The following SLC51A variants were observed in gnomAD, a reference collection of about 807,000 sequenced individuals.
The protein encoded by SLC51A is solute carrier family 51 member A.
Under a neutral mutation model 34.8 loss-of-function variants are expected in SLC51A, and 22 were observed. The ratio of observed to expected loss-of-function variants is 0.63; its 90% CI spans 0.45 to 0.90. The LOEUF (loss-of-function observed/expected upper bound fraction) is 0.90, where lower values mean the gene tolerates loss of function less well. Ranked by LOEUF, SLC51A falls within the 40% of genes least tolerant of loss-of-function variation. The pLI is 0.00. For synonymous variants in SLC51A, 181 were observed against 176.3 expected, an observed-to-expected ratio of 1.03 and a Z score of -0.21; for missense variants, 371 against 414.8, an observed-to-expected ratio of 0.89 and a Z score of 0.92.
intron 4 of SLC51A, 37 bp downstream of exon 4, chr3:196,227,774 T>A: frequency 3.2e-6 from 5 of 1,574,290 alleles, no homozygotes; most frequent in Non-Finnish European, 3.5e-6. Flanking sequence ...CAAGGGCCCC[T>A]CTGCTCCCGC....
intron 7 of SLC51A, 74 bp from the exon 8 acceptor site, chr3:196,232,345 G>A (rs749993079): frequency 1.2e-5 from 14 of 1,187,646 alleles, no homozygotes; most frequent in South Asian, 2.5e-5. Context: ...GGCAAGGCCC[G>A]GCAGTGGGCT....
At chr3:196,231,274 C>T (rs1724023437) in intron 7 of SLC51A, among the ~76,000 whole-genome samples, 1 of 152,214 alleles carries the variant, frequency 6.6e-6, no homozygotes, top group East Asian at 1.9e-4. Context: ...CCTTACCCTG[C>T]CCTTCATCTT....
At chr3:196,223,836 T>C (rs1560152796) in intron 2 of SLC51A, 1 of 424,002 alleles carries the variant, frequency 2.4e-6, no homozygotes, top group Admixed American at 2.7e-5. Context: ...TATCTTAGTG[T>C]AATTTCCTTT....
intron 6 of SLC51A, 149 bp from the exon 7 acceptor site, chr3:196,229,766 A>G: frequency 1.2e-6 from 1 of 810,054 alleles, no homozygotes; most frequent in East Asian, 3.1e-5. Context: ...AGGCGAGGGG[A>G]TCACTGGAGC....
rs1173523968 is a variant in SLC51A at position 196,216,897 on chromosome 3, C to T, written c.38+147C>T. 1.2e-5 allele frequency: 11 copies of T among 920,204 alleles called. No individual in the cohort carries two copies. Among genetic ancestry groups the T allele is most frequent in the African/African-American group, 1.8e-5 (1 of 56,986 alleles). 57.0% of individuals were successfully genotyped at this position (920,204 alleles called of 1,614,324 possible). On this transcript the variant is annotated intron_variant, in intron 1 of 8. Coordinates refer to ENST00000296327, the MANE Select transcript of SLC51A (RefSeq NM_152672.6). This position sits in a 1 kb window ranked among gnomAD's most constrained non-coding sequence, Gnocchi z 4.5. Reference sequence around the variant, plus strand: ...AATGCTCTAGCTGTTCCTAGGTCCTCAGGGACAACGTGGGTTTGGGCCAGG... The same window carrying T: ...AATGCTCTAGCTGTTCCTAGGTCCTTAGGGACAACGTGGGTTTGGGCCAGG...
rs984852589 is a variant in SLC51A, at chr3:196,220,363, G to A, written c.133+2427G>A. On this transcript the variant is annotated intron_variant, in intron 2 of 8. Transcript: ENST00000296327. ...TGTAATCCCAGCACTTTGGGAGGCC[G>A]AGGCAGGCGGATCATCTGCGGTCAA... Among the ~76,000 whole-genome samples the A allele has an allele frequency of 7.2e-5, 11 of 152,294 alleles. No homozygotes were observed. The East Asian group carries it at 9.7e-4, about 13-fold the overall frequency.
At chr3:196,226,874 G>T (rs1723906251) in intron 2 of SLC51A, 91 bp from the exon 3 acceptor site, 3 of 1,346,056 alleles carry the variant, frequency 2.2e-6, no homozygotes, top group Non-Finnish European at 3.0e-6. Flanking sequence ...TGGGAGCCTA[G>T]ATCCAGTAAG....
In SLC51A at chr3:196,227,078, A is replaced by C. The variant is rs1379115397; in HGVS notation, c.247A>C (p.Ile83Leu). The change falls in exon 3 of 9, where the codon ATC (isoleucine) becomes CTC (leucine). Residue 83 changes from isoleucine (I) to leucine (L), a missense_variant. Coordinates refer to ENST00000296327, the MANE Select transcript of SLC51A (RefSeq NM_152672.6). ...CCTGTACAAGAACACCCTTTGCCCC[A>C]TCAAGAGGCGGACTCTGCTCTGGAA... The part of the protein sequence containing the change: ...VYLYKNTLCP[I>L]KRRTLLWKSS... The C allele has an allele frequency of 6.2e-7, 1 of 1,614,056 alleles. No individual in the cohort carries two copies. Among genetic ancestry groups the C allele is most frequent in the Non-Finnish European group, 8.5e-7 (1 of 1,180,006 alleles).
At chr3:196,221,740 G>A (rs1447878600) in intron 2 of SLC51A, among the ~76,000 whole-genome samples, 1 of 150,660 alleles carries the variant, frequency 6.6e-6, no homozygotes, top group East Asian at 2.0e-4. Flanking sequence ...TTAAGAGACA[G>A]AGTCTCGCTC....
intron 2 of SLC51A, among the ~76,000 whole-genome samples, chr3:196,220,819 AGTGC>A (rs1410474072): frequency 6.6e-6 from 1 of 151,968 alleles, no homozygotes; most frequent in African/African-American, 2.4e-5. Flanking sequence ...AGCAGGAAGA[AGTGC>A]CTCTGGGAGG....
rs1723948495 is a variant in SLC51A at position 196,228,365 on chromosome 3, A to G, written c.521+92A>G. 1.4e-6 allele frequency: 2 copies of G among 1,461,862 alleles called. No individual in the cohort carries two copies. The highest frequency in any genetic ancestry group is 9.1e-7 in the Non-Finnish European group (1 of 1,103,646). 90.6% of individuals were successfully genotyped at this position (1,461,862 alleles called of 1,614,324 possible). ...AAGGCTCTGGGAATTAGGCGTGAAT[A>G]GGCCAAAGCCAGTGACGGAAGGGTG... is the stretch of plus-strand genomic sequence containing the variant. On this transcript the variant is annotated intron_variant, in intron 5 of 8. Coordinates refer to ENST00000296327, the MANE Select transcript of SLC51A (RefSeq NM_152672.6). This position sits in a 1 kb window ranked among gnomAD's most constrained non-coding sequence, Gnocchi z 4.9.
intron 7 of SLC51A, 85 bp from the exon 8 acceptor site, chr3:196,232,334 G>A: frequency 1.9e-6 from 2 of 1,028,356 alleles, no homozygotes; most frequent in African/African-American, 1.6e-5. Context: ...CCCAGCGGAA[G>A]GGCAAGGCCC....
intron 2 of SLC51A, among the ~76,000 whole-genome samples, chr3:196,221,220 T>G (rs1723746428): frequency 6.6e-6 from 1 of 151,586 alleles, no homozygotes; most frequent in Admixed American, 6.6e-5. Context: ...ACCACCAGCC[T>G]CAGCCTGGGC....
chr3:196,232,393 C>T (rs774561237), intron 7 of SLC51A, 26 bp from the exon 8 acceptor site: 1 of 1,589,334 alleles, frequency 6.3e-7, no homozygotes, highest in Non-Finnish European at 8.6e-7. Flanking sequence ...CCCAGTCCAC[C>T]CTTGCCTCTC....
At chr3:196,218,066 A>G (rs1359029777) in intron 2 of SLC51A, 130 bp downstream of exon 2, 7 of 799,880 alleles carry the variant, frequency 8.8e-6, no homozygotes, top group South Asian at 6.3e-5. Flanking sequence ...GGTGTCTGTC[A>G]TCGTGGTTAA....
intron 8 of SLC51A, 191 bp downstream of exon 8, chr3:196,232,715 A>G: frequency 1.7e-6 from 1 of 599,772 alleles, no homozygotes; most frequent in South Asian, 2.0e-5. Flanking sequence ...GAGAAGTGAA[A>G]CCCCACAGCT....
At chr3:196,218,433 C>T (rs1168943547) in intron 2 of SLC51A, among the ~76,000 whole-genome samples, 1 of 152,242 alleles carries the variant, frequency 6.6e-6, no homozygotes, top group Non-Finnish European at 1.5e-5. Context: ...CTCACTGGAG[C>T]ATTCTGTTGT....
At chr3:196,227,200 G>GTCACTTCCA (rs776923105) in intron 3 of SLC51A, 81 bp downstream of exon 3, 19 of 1,461,072 alleles carry the variant, frequency 1.3e-5, no homozygotes, top group African/African-American at 5.6e-5. Flanking sequence ...AACTCAGCAC[G>GTCACTTCCA]TCACTTCGGC....
chr3:196,223,476 G>A lies in SLC51A; in HGVS notation c.134-3489G>A, dbSNP rs1008450468. 5.9e-5 allele frequency among the ~76,000 whole-genome samples: 9 copies of A among 151,848 alleles called. No individual in the cohort carries two copies. In the South Asian group the frequency reaches 1.9e-3, roughly 32 times the overall value. ...CCGGAATGGAGATTTTCACGGAGCA[G>A]GGAGCAGTTAGGGAAATGAAGACTG... On this transcript the variant is annotated intron_variant, in intron 2 of 8. Coordinates refer to ENST00000296327, the MANE Select transcript of SLC51A (RefSeq NM_152672.6).
Sources: gnomAD v4.1 joint callset for allele counts (sites outside exome capture counted in the v4.1 genomes callset) on GRCh38, gnomAD v4.1.1 for gene constraint, Gnocchi (gnomAD v3.1) non-coding constraint, MANE v1.5 for transcripts, NCBI Gene and HGNC (gene_info 2026-07-23, HGNC 2026-07-21) for gene names.